BRSK1: variants seen among roughly 807,000 people sequenced by gnomAD.
The protein encoded by BRSK1 is BR serine/threonine kinase 1.
Under a neutral mutation model 86.2 loss-of-function variants are expected in BRSK1, and 17 were observed. That is an observed-to-expected ratio of 0.20 (90% CI 0.14 to 0.30). BRSK1 has a LOEUF of 0.30. BRSK1 is among the 10% of genes least tolerant of loss of function. BRSK1 has a pLI of 1.00. For synonymous variants in BRSK1, 464 were observed against 440.1 expected, an observed-to-expected ratio of 1.05 and a Z score of -0.68; for missense variants, 719 against 1,071.9, an observed-to-expected ratio of 0.67 and a Z score of 4.60.
At position 55,305,322 on chromosome 19, in the gene BRSK1, C is replaced by G. The variant is rs1303205265; in HGVS notation, c.1719C>G (p.Val573=). The change falls in exon 15 of 19, where the codon GTC becomes GTG. Residue 573 remains valine, a splice_region_variant and synonymous_variant. Coordinates refer to ENST00000309383, the MANE Select transcript of BRSK1 (RefSeq NM_032430.2). ...SPRFHRRKMQ[V]PTAEEMSSLT... Reference sequence around the variant, plus strand: ...CGTTCTCTGCCTTCCCCCTACCAGTCCCTACCGCTGAGGAGATGTCCAGCT... The same window carrying G: ...CGTTCTCTGCCTTCCCCCTACCAGTGCCTACCGCTGAGGAGATGTCCAGCT... The G allele has an allele frequency of 1.2e-6, 2 of 1,613,968 alleles. No individual in the cohort carries two copies. Among genetic ancestry groups the G allele is most frequent in the East Asian group, 4.5e-5 (2 of 44,882 alleles).
chr19:55,305,330 C>A lies in BRSK1; in HGVS notation c.1727C>A (p.Ala576Asp), dbSNP rs1214614363. The A allele has an allele frequency of 1.9e-6, 3 of 1,614,144 alleles. No individual in the cohort carries two copies. The Admixed American group carries it at 5.0e-5, about 27-fold the overall frequency. The change falls in exon 15 of 19, where the codon GCT becomes GAT. Residue 576 changes from alanine to aspartate, a missense_variant. By Grantham distance (126) the Ala-to-Asp change is moderately radical. Around this residue, in one of 6 missense-constraint regions of BRSK1, gnomAD observed 180 missense variants for 259.4 expected, o/e 0.69. Transcript: ENST00000309383. ...FHRRKMQVPT[A>D]EEMSSLTPES... is the part of the protein sequence containing the mutation. Reference sequence around the variant, plus strand: ...GCCTTCCCCCTACCAGTCCCTACCGCTGAGGAGATGTCCAGCTTGACGCCA... The same window carrying A: ...GCCTTCCCCCTACCAGTCCCTACCGATGAGGAGATGTCCAGCTTGACGCCA...
rs2088822108 is a variant in BRSK1, at chr19:55,312,348, CT to C, written c.*281del. 1 of 203,530 alleles carries C rather than the reference CT, an allele frequency of 4.9e-6. No individual in the cohort carries two copies. The highest frequency in any genetic ancestry group is 1.6e-4 in the South Asian group (1 of 6,204). The allele number at this position is 203,530 out of a possible 1,614,324, so 12.6% of individuals were successfully genotyped here. The stretch of plus-strand genomic sequence containing the variant: ...GGGTGGGGTGGGGGAGGGACGGGAG[CT>C]GGTTGGGGTGGCTTAGCAGATCCGG... On this transcript the variant is annotated 3_prime_UTR_variant, in exon 19 of 19. Coordinates refer to ENST00000309383, the MANE Select transcript of BRSK1 (RefSeq NM_032430.2).
intron 1 of BRSK1, 122 bp downstream of exon 1, chr19:55,284,700 A>G (rs1192545672): frequency 6.8e-6 from 6 of 887,946 alleles, no homozygotes; most frequent in Non-Finnish European, 9.0e-6. Flanking sequence ...CCTCATAGAG[A>G]AGGGACTTGG....
chr19:55,307,286 G>A (rs973696147), intron 17 of BRSK1, among the ~76,000 whole-genome samples: 1 of 152,148 alleles, frequency 6.6e-6, no homozygotes, highest in Non-Finnish European at 1.5e-5. Flanking sequence ...CAGGCTGGGC[G>A]CGGTGGCTCA....
chr19:55,310,176 G>T lies in BRSK1; in HGVS notation c.2179+1448G>T, dbSNP rs150485767. On this transcript the variant is annotated intron_variant, in intron 18 of 18. Transcript: ENST00000309383. The surrounding 1 kb of genome is among the most constrained non-coding windows in gnomAD (Gnocchi z 5.0). ...CCTTGGTGGCTGAAACAACACAAGTGATTTTCGTACAGTCCTGGAGGTCAG... is the reference window on the plus strand; with the variant it reads ...CCTTGGTGGCTGAAACAACACAAGTTATTTTCGTACAGTCCTGGAGGTCAG... 3.9e-3 allele frequency among the ~76,000 whole-genome samples: 592 copies of T among 152,342 alleles called. 4 individuals carry two copies. The highest frequency in any genetic ancestry group is 0.014 in the African/African-American group (565 of 41,574).
Position 55,304,501 on chromosome 19 carries a change from T to C in BRSK1, c.1348-50T>C, listed in dbSNP as rs2088617410. 6.7e-7 allele frequency: 1 copy of C among 1,491,786 alleles called. No homozygotes were observed. Among genetic ancestry groups the C allele is most frequent in the African/African-American group, 1.4e-5 (1 of 70,394 alleles). 92.4% of individuals were successfully genotyped at this position (1,491,786 alleles called of 1,614,324 possible). A position where few individuals can be genotyped will look rare whatever the true frequency, so the allele number is the denominator to read the frequency against. On this transcript the variant is annotated intron_variant, in intron 13 of 18. Coordinates refer to ENST00000309383, the MANE Select transcript of BRSK1 (RefSeq NM_032430.2). The surrounding 1 kb of genome is among the most constrained non-coding windows in gnomAD (Gnocchi z 5.2). ...GCGTGTGAGTGGGGCTCCTAGAGCC[T>C]CCTGGGAGTTGTAGTCCACTCGCTT...
At position 55,304,696 on chromosome 19, in the gene BRSK1, G is replaced by T; in HGVS notation, c.1493G>T (p.Arg498Leu). The T allele has an allele frequency of 6.9e-7, 1 of 1,455,066 alleles. No individual in the cohort carries two copies. The highest frequency in any genetic ancestry group is 2.6e-5 in the East Asian group (1 of 38,124). The allele number at this position is 1,455,066 out of a possible 1,614,324, so 90.1% of individuals were successfully genotyped here. Reference sequence around the variant, plus strand: ...GAGCAGCCCCCGCCCCCCAGTGCCCGCTCCACACCCCTGCCCGGCCCCCCA... The same window carrying T: ...GAGCAGCCCCCGCCCCCCAGTGCCCTCTCCACACCCCTGCCCGGCCCCCCA... ...AGEQPPPPSA[R>L]STPLPGPPGS... The change falls in exon 14 of 19, where the codon CGC becomes CTC. Residue 498 changes from arginine (R) to leucine (L), a missense_variant. This residue lies in a region of BRSK1 where 143 missense variants were observed against 120.1 expected (regional missense o/e 1.19). Transcript: ENST00000309383. This position sits in a 1 kb window ranked among gnomAD's most constrained non-coding sequence, Gnocchi z 5.2.
chr19:55,298,331 C>T (rs2088521366), intron 7 of BRSK1, among the ~76,000 whole-genome samples: 1 of 133,536 alleles, frequency 7.5e-6, no homozygotes, highest in Non-Finnish European at 1.5e-5. Flanking sequence ...CAAGTTATTT[C>T]TGGCTAATTT....
chr19:55,298,161 A>G (rs916691978), intron 7 of BRSK1, among the ~76,000 whole-genome samples: 4 of 148,360 alleles, frequency 2.7e-5, no homozygotes, highest in Non-Finnish European at 5.9e-5. Context: ...CCCTGGCACA[A>G]TGCTTGATGA....
Position 55,312,470 on chromosome 19 carries a change from T to A in BRSK1, c.*402T>A. The A allele has an allele frequency of 7.4e-6, 1 of 135,718 alleles. No homozygotes were observed. The highest frequency in any genetic ancestry group is 2.9e-4 in the South Asian group (1 of 3,502). The allele number at this position is 135,718 out of a possible 1,614,324, so 8.4% of individuals were successfully genotyped here. A position where few individuals can be genotyped will look rare whatever the true frequency, so the allele number is the denominator to read the frequency against. On this transcript the variant is annotated 3_prime_UTR_variant, in exon 19 of 19. Transcript: ENST00000309383. The stretch of plus-strand genomic sequence containing the variant: ...CACGACCTTCTGTACGGATTTGCTC[T>A]CCGGAAGGAATTCTGGTTTCGCGTG...
At chr19:55,311,877 C>T (rs761971334) in intron 18 of BRSK1, 34 bp from the exon 19 acceptor site, 24 of 1,605,030 alleles carry the variant, frequency 1.5e-5, no homozygotes, top group Admixed American at 6.8e-5. Context: ...CCCTGGGCTG[C>T]GGAACCCACG....
rs1460647634 is a variant in BRSK1, at chr19:55,305,596, C to G, written c.1890+10C>G. 4 of 1,613,782 alleles carry G rather than the reference C, an allele frequency of 2.5e-6. No individual in the cohort carries two copies. Among genetic ancestry groups the G allele is most frequent in the Non-Finnish European group, 3.4e-6 (4 of 1,180,024 alleles). Reference sequence around the variant, plus strand: ...CCATGCCTTTCTGTCGGTGAGGGGCCTGGGTCCCCATCGAGCCTGGCCCCC... The same window carrying G: ...CCATGCCTTTCTGTCGGTGAGGGGCGTGGGTCCCCATCGAGCCTGGCCCCC... On this transcript the variant is annotated intron_variant, in intron 16 of 18. Coordinates refer to ENST00000309383, the MANE Select transcript of BRSK1 (RefSeq NM_032430.2).
chr19:55,304,465 T>C lies in BRSK1; in HGVS notation c.1348-86T>C. The C allele has an allele frequency of 7.1e-7, 1 of 1,414,170 alleles. No homozygotes were observed. Among genetic ancestry groups the C allele is most frequent in the African/African-American group, 1.5e-5 (1 of 68,948 alleles). The allele number at this position is 1,414,170 out of a possible 1,614,324, so 87.6% of individuals were successfully genotyped here. ...AGTTGCAGCATGCACCGGGCCAGCG[T>C]CCGTGAGTGTGCGTGTGAGTGGGGC... On this transcript the variant is annotated intron_variant, in intron 13 of 18. Coordinates refer to ENST00000309383, the MANE Select transcript of BRSK1 (RefSeq NM_032430.2). This position sits in a 1 kb window ranked among gnomAD's most constrained non-coding sequence, Gnocchi z 5.2.
At chr19:55,300,767 A>G (rs956278270) in intron 7 of BRSK1, among the ~76,000 whole-genome samples, 8 of 152,300 alleles carry the variant, frequency 5.3e-5, no homozygotes, top group Non-Finnish European at 8.8e-5. Flanking sequence ...TGAACCTGGG[A>G]GAGGCAGAGG....
At chr19:55,284,813 G>T (rs1174718956) in intron 1 of BRSK1, among the ~76,000 whole-genome samples, 1 of 151,896 alleles carries the variant, frequency 6.6e-6, no homozygotes, top group South Asian at 2.1e-4. Context: ...GAGGGAGGAG[G>T]GGCTGGGCAC....
chr19:55,305,466 G>A lies in BRSK1; in HGVS notation c.1770G>A (p.Leu590=), dbSNP rs753334140. 6.2e-7 allele frequency: 1 copy of A among 1,614,156 alleles called. No individual in the cohort carries two copies. Among genetic ancestry groups the A allele is most frequent in the South Asian group, 1.1e-5 (1 of 91,080 alleles). ...CCAACCACCCCCTCCCACTCAGGCT[G>A]GCAAAACGCTCCTGGTTCGGGAACT... The part of the protein sequence containing the change: ...SSLTPESSPE[L]AKRSWFGNFI... The change falls in exon 16 of 19, where the codon CTG becomes CTA. Residue 590 remains leucine, a synonymous_variant. Coordinates refer to ENST00000309383, the MANE Select transcript of BRSK1 (RefSeq NM_032430.2).
In BRSK1 at chr19:55,287,355, G is replaced by A; in HGVS notation, c.317+56G>A. On this transcript the variant is annotated intron_variant, in intron 3 of 18. Transcript: ENST00000309383. The surrounding 1 kb of genome is among the most constrained non-coding windows in gnomAD (Gnocchi z 5.3). ...CATCCTCCCTCTCCAGGTTACCAGGGTGGGACTTCTCCAGAAACAGGGCCT... is the reference window on the plus strand; with the variant it reads ...CATCCTCCCTCTCCAGGTTACCAGGATGGGACTTCTCCAGAAACAGGGCCT... The A allele has an allele frequency of 1.9e-6, 3 of 1,560,686 alleles. No homozygotes were observed. The highest frequency in any genetic ancestry group is 2.6e-6 in the Non-Finnish European group (3 of 1,132,758).
At chr19:55,289,358 T>C (rs910222236) in intron 3 of BRSK1, 122 bp from the exon 4 acceptor site, 2 of 1,197,382 alleles carry the variant, frequency 1.7e-6, no homozygotes, top group African/African-American at 3.1e-5. Context: ...TTGGAGTCTC[T>C]TTCTCCCAAG....
In BRSK1 at chr19:55,302,001, G is replaced by A. The variant is rs2088578074; in HGVS notation, c.826-136G>A. On this transcript the variant is annotated intron_variant, in intron 8 of 18. Transcript: ENST00000309383. The surrounding 1 kb of genome is among the most constrained non-coding windows in gnomAD (Gnocchi z 6.3). ...CACTCAGTCGCCACTAGAGGGCGATGTAATATGTCATCCTGCCCCCGGTGG... is the reference window on the plus strand; with the variant it reads ...CACTCAGTCGCCACTAGAGGGCGATATAATATGTCATCCTGCCCCCGGTGG... 9.4e-7 allele frequency: 1 copy of A among 1,067,678 alleles called. No homozygotes were observed. The highest frequency in any genetic ancestry group is 1.6e-5 in the African/African-American group (1 of 64,364). 66.1% of individuals were successfully genotyped at this position (1,067,678 alleles called of 1,614,324 possible). A position where few individuals can be genotyped will look rare whatever the true frequency, so the allele number is the denominator to read the frequency against.
Sources: allele counts gnomAD v4.1 joint callset (sites outside exome capture counted in the v4.1 genomes callset), GRCh38; gene constraint gnomAD v4.1.1; regional missense constraint gnomAD v4.1.1; non-coding constraint Gnocchi (gnomAD v3.1); transcripts MANE v1.5; gene names NCBI Gene and HGNC (gene_info 2026-07-23, HGNC 2026-07-21).